Variants in CUBN observed in about 807,000 individuals in gnomAD.
CUBN encodes 460 kDa receptor.
A neutral mutation model predicts 405.3 loss-of-function variants in CUBN; 282 were observed. The ratio of observed to expected loss-of-function variants is 0.70; its 90% CI spans 0.63 to 0.77. The LOEUF (loss-of-function observed/expected upper bound fraction) is 0.77. Ranked by LOEUF, CUBN falls within the 30% of genes least tolerant of loss-of-function variation. The pLI, the probability that CUBN is intolerant of heterozygous loss-of-function variation, is 0.00. For missense variants in CUBN, 4,514 were observed against 4,475.2 expected, an observed-to-expected ratio of 1.01 and a Z score of -0.25; for synonymous variants, 1,684 against 1,617.0, an observed-to-expected ratio of 1.04 and a Z score of -0.99.
intron 27 of CUBN, among the ~76,000 whole-genome samples, chr10:17,038,757 C>T (rs1228190897): frequency 1.3e-5 from 2 of 152,194 alleles, no homozygotes; most frequent in African/African-American, 4.8e-5. Flanking sequence ...GCAGCTATTG[C>T]TCTGGTCTGG....
intron 59 of CUBN, among the ~76,000 whole-genome samples, chr10:16,864,190 A>C (rs2131358347): frequency 6.6e-6 from 1 of 152,330 alleles, no homozygotes; most frequent in East Asian, 1.9e-4. Context: ...CAATTGTGCA[A>C]GGCCTGGGGA....
In CUBN at chr10:16,897,113, C is replaced by T. The variant is rs564807198; in HGVS notation, c.8598+1883G>A. 1.2e-4 allele frequency among the ~76,000 whole-genome samples: 19 copies of T among 152,260 alleles called. 1 individual carries two copies. In the South Asian group the frequency reaches 3.9e-3, roughly 32 times the overall value. The stretch of plus-strand genomic sequence containing the variant: ...ATGTTAATGGAAACTACTTCAACAT[C>T]CTTGTCATATATTTCAACATCTGAT... On this transcript the variant is annotated intron_variant, in intron 54 of 66. Coordinates refer to ENST00000377833, the MANE Select transcript of CUBN (RefSeq NM_001081.4).
intron 56 of CUBN, among the ~76,000 whole-genome samples, chr10:16,877,954 A>G (rs778461460): frequency 6.6e-5 from 10 of 152,224 alleles, no homozygotes; most frequent in South Asian, 2.1e-4. Flanking sequence ...ATGAAATTAC[A>G]TCCATCATGC....
intron 65 of CUBN, among the ~76,000 whole-genome samples, chr10:16,829,377 T>G (rs1407459848): frequency 6.8e-6 from 1 of 147,198 alleles, no homozygotes; most frequent in East Asian, 2.0e-4. Flanking sequence ...ATAAAGTAAC[T>G]GTGGGAGAAA....
intron 47 of CUBN, 30 bp downstream of exon 47, chr10:16,915,002 A>G (rs749314042): frequency 8.1e-6 from 13 of 1,599,748 alleles, no homozygotes; most frequent in Non-Finnish European, 8.6e-7. Context: ...CAGGTGCTCA[A>G]TGTTGTGTTG....
At chr10:17,106,674 GCCTGT>G (rs969435133) in intron 10 of CUBN, among the ~76,000 whole-genome samples, 7 of 150,812 alleles carry the variant, frequency 4.6e-5, no homozygotes, top group African/African-American at 1.7e-4. Flanking sequence ...TACACAGACA[GCCTGT>G]CCCGGCCAAG....
chr10:17,093,728 G>A (rs1031303404), intron 14 of CUBN, among the ~76,000 whole-genome samples: 1 of 151,188 alleles, frequency 6.6e-6, no homozygotes, highest in South Asian at 2.1e-4. Context: ...TCTCAGCAAA[G>A]CCAGAAACAT....
In CUBN at chr10:16,824,784, T is replaced by A. The variant is rs1452344914; in HGVS notation, c.*191A>T. The A allele has an allele frequency of 1.7e-6, 1 of 575,356 alleles. No individual in the cohort carries two copies. The highest frequency in any genetic ancestry group is 1.9e-5 in the African/African-American group (1 of 53,916). 35.6% of individuals were successfully genotyped at this position (575,356 alleles called of 1,614,324 possible). A position where few individuals can be genotyped will look rare whatever the true frequency, so the allele number is the denominator to read the frequency against. On this transcript the variant is annotated 3_prime_UTR_variant, in exon 67 of 67. Coordinates refer to ENST00000377833, the MANE Select transcript of CUBN (RefSeq NM_001081.4). Reference sequence around the variant, plus strand: ...ATCAACCTGCCTCGGCCTCCCAAAGTGCTGAGAATACAGGGGGGTGAGCCA... The same window carrying A: ...ATCAACCTGCCTCGGCCTCCCAAAGAGCTGAGAATACAGGGGGGTGAGCCA...
Position 17,122,830 on chromosome 10 carries a change from A to C in CUBN, c.558T>G (p.Asn186Lys). The C allele has an allele frequency of 6.2e-7, 1 of 1,613,562 alleles. No individual in the cohort carries two copies. Among genetic ancestry groups the C allele is most frequent in the Non-Finnish European group, 8.5e-7 (1 of 1,179,730 alleles). Residue 186 changes from asparagine (N) to lysine (K), a missense_variant, in exon 6 of 67, where the codon AAT becomes AAG. By Grantham distance (94) the Asn-to-Lys change is moderately conservative. Transcript: ENST00000377833. ...IYSGTPLSCQ[N>K]GGTCVNTMGS... Reference sequence around the variant, plus strand: ...CCATTGTATTAACACATGTGCCTCCATTCTGGCAGCTCAAGGGTGTTCCTG... The same window carrying C: ...CCATTGTATTAACACATGTGCCTCCCTTCTGGCAGCTCAAGGGTGTTCCTG...
intron 7 of CUBN, among the ~76,000 whole-genome samples, chr10:17,114,755 C>T (rs116721852): frequency 0.024 from 3,655 of 152,214 alleles, 151 homozygotes; most frequent in African/African-American, 0.08. Flanking sequence ...CATGGAGGGT[C>T]GTTCTGGGGA....
chr10:17,000,676 G>A (rs1248943393), intron 28 of CUBN, among the ~76,000 whole-genome samples: 1 of 152,122 alleles, frequency 6.6e-6, no homozygotes, highest in Non-Finnish European at 1.5e-5. Flanking sequence ...TTTGCTTTCA[G>A]GCACCATCGT....
chr10:16,882,342 T>C lies in CUBN; in HGVS notation c.8906-5245A>G, dbSNP rs571509042. On this transcript the variant is annotated intron_variant, in intron 56 of 66. Coordinates refer to ENST00000377833, the MANE Select transcript of CUBN (RefSeq NM_001081.4). ...ATCTCTGAGCTGCAAAACGATTCCC[T>C]ATCATTTGTTTTTATGACTATTTTC... 4.6e-5 allele frequency among the ~76,000 whole-genome samples: 7 copies of C among 152,356 alleles called. No homozygotes were observed. The East Asian group carries it at 1.3e-3, about 29-fold the overall frequency.
At chr10:16,837,569 C>A (rs1205096314) in intron 62 of CUBN, among the ~76,000 whole-genome samples, 1 of 152,026 alleles carries the variant, frequency 6.6e-6, no homozygotes, top group East Asian at 1.9e-4. Context: ...AGCCATTAAA[C>A]ACCCTCAACT....
intron 58 of CUBN, among the ~76,000 whole-genome samples, chr10:16,872,000 G>A (rs1840367398): frequency 6.6e-6 from 1 of 152,030 alleles, no homozygotes; most frequent in African/African-American, 2.4e-5. Flanking sequence ...CGAGGCAGGT[G>A]GACCACTTGA....
At chr10:16,983,373 C>G (rs1237717940) in intron 30 of CUBN, among the ~76,000 whole-genome samples, 1 of 152,040 alleles carries the variant, frequency 6.6e-6, no homozygotes, top group Admixed American at 6.6e-5. Context: ...GAAGTGTGGC[C>G]ATAAGGTAGT....
intron 15 of CUBN, among the ~76,000 whole-genome samples, chr10:17,086,543 TAGTA>T (rs1484332275): frequency 6.6e-6 from 1 of 152,196 alleles, no homozygotes; most frequent in Non-Finnish European, 1.5e-5. Flanking sequence ...GCAACTTTGA[TAGTA>T]AGTAAGTACT....
rs1157773833 is a variant in CUBN at position 16,954,538 on chromosome 10, C to T, written c.4706G>A (p.Gly1569Asp). ...AAGGCGGGACATTGTGGAGCTTAAG[C>T]CATCGTATGCCTACAAGAAAGGAGA... ...PQDSCIMAYD[G>D]LSSTMSRLAR... The change falls in exon 32 of 67, where the codon GGC becomes GAC. Residue 1569 changes from glycine to aspartate, a missense_variant. Gly to Asp is a moderately conservative substitution (Grantham distance 94). Around this residue, in one of 5 missense-constraint regions of CUBN, gnomAD observed 1,613 missense variants for 1,542.8 expected, o/e 1.05. Coordinates refer to ENST00000377833, the MANE Select transcript of CUBN (RefSeq NM_001081.4). 4 of 1,613,362 alleles carry T rather than the reference C, an allele frequency of 2.5e-6. No homozygotes were observed. The highest frequency in any genetic ancestry group is 3.4e-6 in the Non-Finnish European group (4 of 1,180,016).
At chr10:17,029,168 A>C (rs769828976) in intron 27 of CUBN, among the ~76,000 whole-genome samples, 1 of 152,242 alleles carries the variant, frequency 6.6e-6, no homozygotes, top group African/African-American at 2.4e-5. Flanking sequence ...GAGAGGAAAC[A>C]CGCAGAGTTT....
intron 17 of CUBN, among the ~76,000 whole-genome samples, chr10:17,083,540 C>CATACATACATACATAT (rs1836022308): frequency 1.1e-4 from 16 of 152,054 alleles, no homozygotes; most frequent in Admixed American, 1.0e-3. Flanking sequence ...TACATACATA[C>CATACATACATACATAT]ATACATACTG....
Sources: gnomAD v4.1 joint callset for allele counts (sites outside exome capture counted in the v4.1 genomes callset) on GRCh38, gnomAD v4.1.1 for gene constraint, gnomAD v4.1.1 regional missense constraint, MANE v1.5 for transcripts, NCBI Gene and HGNC (gene_info 2026-07-23, HGNC 2026-07-21) for gene names.